DISC1: variants seen among roughly 807,000 people sequenced by gnomAD.
The protein encoded by DISC1 is disrupted in schizophrenia 1 protein.
A neutral mutation model predicts 84.5 loss-of-function variants in DISC1; 57 were observed. The observed-to-expected ratio is 0.67, with a 90% CI of 0.55 to 0.84. The LOEUF (loss-of-function observed/expected upper bound fraction) is 0.84, where lower values mean the gene tolerates loss of function less well. Ranked by LOEUF, DISC1 falls within the 40% of genes least tolerant of loss-of-function variation. The pLI is 0.00. For missense variants in DISC1, 1,000 were observed against 1,057.8 expected, an observed-to-expected ratio of 0.95 and a Z score of 0.76; for synonymous variants, 411 against 415.2, an observed-to-expected ratio of 0.99 and a Z score of 0.12.
intron 6 of DISC1, among the ~76,000 whole-genome samples, chr1:231,783,185 T>A (rs1487027162): frequency 1.3e-5 from 2 of 151,858 alleles, no homozygotes; most frequent in Non-Finnish European, 2.9e-5. Flanking sequence ...TTTTTGGGGG[T>A]GGGGGAAAGC....
chr1:231,786,956 G>A (rs2077916959), intron 6 of DISC1, among the ~76,000 whole-genome samples: 2 of 152,242 alleles, frequency 1.3e-5, no homozygotes, highest in South Asian at 2.1e-4. Context: ...TACCTTTGGC[G>A]CCCCATTTAC....
At chr1:231,689,812 C>A (rs147829486) in intron 1 of DISC1, among the ~76,000 whole-genome samples, 107 of 152,236 alleles carry the variant, frequency 7.0e-4, no homozygotes, top group African/African-American at 2.6e-3. Context: ...CAATTCATAT[C>A]CACCACAGAA....
chr1:231,631,852 A>G (rs2058735455), intron 1 of DISC1, among the ~76,000 whole-genome samples: 1 of 152,202 alleles, frequency 6.6e-6, no homozygotes, highest in African/African-American at 2.4e-5. Context: ...CTAAGTGTAC[A>G]GCGTTTATAA....
In DISC1 at chr1:231,914,599, C is replaced by T. The variant is rs565396998; in HGVS notation, c.1982-44229C>T. On this transcript the variant is annotated intron_variant, in intron 9 of 12. Transcript: ENST00000439617. ...AGGAAGAAATATTTTTCTTTTAGTTCCTGTCTGTCAGTCTCAGGGGAGACT... is the reference window on the plus strand; with the variant it reads ...AGGAAGAAATATTTTTCTTTTAGTTTCTGTCTGTCAGTCTCAGGGGAGACT... 7.9e-5 allele frequency among the ~76,000 whole-genome samples: 12 copies of T among 152,266 alleles called. No individual in the cohort carries two copies. In the South Asian group the frequency reaches 2.5e-3, roughly 32 times the overall value.
chr1:231,702,208 A>G lies in DISC1; in HGVS notation c.1117+184A>G, dbSNP rs1558374833. On this transcript the variant is annotated intron_variant, in intron 3 of 12. Transcript: ENST00000439617. ...TTGTAGATTTCAAAGTACTTCATGA[A>G]CATTAATCCTTTGGGTTATAAATAT... The G allele has an allele frequency of 5.9e-6, 8 of 1,348,040 alleles. No homozygotes were observed. In the South Asian group the frequency reaches 1.2e-4, roughly 21 times the overall value. 83.5% of individuals were successfully genotyped at this position (1,348,040 alleles called of 1,614,324 possible).
intron 3 of DISC1, among the ~76,000 whole-genome samples, chr1:231,730,549 A>G (rs2071384993): frequency 6.6e-6 from 1 of 152,198 alleles, no homozygotes; most frequent in African/African-American, 2.4e-5. Flanking sequence ...TAGTGAACAT[A>G]GCACCCAATA....
intron 9 of DISC1, among the ~76,000 whole-genome samples, chr1:231,907,341 A>C (rs4027693): frequency 3.5e-4 from 51 of 145,900 alleles, no homozygotes; most frequent in South Asian, 2.3e-3. Flanking sequence ...AACAGGCCCC[A>C]GTGTGTGATG....
At chr1:231,938,880 A>G (rs559431586) in intron 9 of DISC1, among the ~76,000 whole-genome samples, 20 of 152,250 alleles carry the variant, frequency 1.3e-4, no homozygotes, top group African/African-American at 4.3e-4. Context: ...CTAACCCTAC[A>G]TGTTAGAAAC....
At chr1:231,935,809 C>T (rs2090948749) in intron 9 of DISC1, among the ~76,000 whole-genome samples, 1 of 152,208 alleles carries the variant, frequency 6.6e-6, no homozygotes, top group African/African-American at 2.4e-5. Context: ...TAATAGAACA[C>T]ACATGCAAAA....
intron 3 of DISC1, among the ~76,000 whole-genome samples, chr1:231,710,844 G>A (rs2067726046): frequency 6.6e-6 from 1 of 152,110 alleles, no homozygotes; most frequent in Admixed American, 6.5e-5. Context: ...TGAGGTCCTG[G>A]GGGTTAGAAC....
At chr1:231,835,410 GGTT>G (rs542409114) in intron 9 of DISC1, among the ~76,000 whole-genome samples, 95 of 152,272 alleles carry the variant, frequency 6.2e-4, no homozygotes, top group Admixed American at 1.9e-3. Context: ...GTCAAAGGGG[GGTT>G]GTTCTTTGGC....
At chr1:232,028,562 G>A (rs1033076450) in intron 12 of DISC1, among the ~76,000 whole-genome samples, 8 of 152,116 alleles carry the variant, frequency 5.3e-5, no homozygotes, top group Non-Finnish European at 1.0e-4. Context: ...AAGTGATAAT[G>A]CCTCTTTAAG....
intron 9 of DISC1, among the ~76,000 whole-genome samples, chr1:231,932,559 T>G (rs138838177): frequency 6.6e-4 from 100 of 152,268 alleles, no homozygotes; most frequent in African/African-American, 2.2e-3. Context: ...GATTTGAATC[T>G]CAATTTGCTT....
At chr1:232,034,854 G>A (rs1670367282) in intron 12 of DISC1, among the ~76,000 whole-genome samples, 1 of 150,896 alleles carries the variant, frequency 6.6e-6, no homozygotes, top group South Asian at 2.1e-4. Flanking sequence ...TTTCAATAAA[G>A]ATTAGCGGAA....
intron 6 of DISC1, chr1:231,774,706 G>C (rs1170729872): frequency 2.2e-6 from 1 of 456,002 alleles, no homozygotes; most frequent in Admixed American, 2.3e-5. Context: ...CAATATTTGG[G>C]CTTTCCATTT....
chr1:231,897,561 A>G lies in DISC1; in HGVS notation c.1982-61267A>G, dbSNP rs1016336703. On this transcript the variant is annotated intron_variant, in intron 9 of 12. Transcript: ENST00000439617. This position sits in a 1 kb window ranked among gnomAD's most constrained non-coding sequence, Gnocchi z 4.5. ...TAACAACCTCCAGCCTATTTGTGGC[A>G]TCTGAAAAACTTTGCGGCAGCATTT... is the stretch of plus-strand genomic sequence containing the variant. Among the ~76,000 whole-genome samples, 13 of 151,882 alleles carry G rather than the reference A, an allele frequency of 8.6e-5. No individual in the cohort carries two copies. Among genetic ancestry groups the G allele is most frequent in the African/African-American group, 2.7e-4 (11 of 41,350 alleles).
intron 3 of DISC1, among the ~76,000 whole-genome samples, chr1:231,742,357 C>T (rs2073393910): frequency 6.6e-6 from 1 of 152,188 alleles, no homozygotes. Flanking sequence ...CAAGTGGAAG[C>T]TCCCAGTAGC....
chr1:231,864,250 TC>T (rs960693759), intron 9 of DISC1, among the ~76,000 whole-genome samples: 1 of 152,248 alleles, frequency 6.6e-6, no homozygotes, highest in African/African-American at 2.4e-5. Context: ...CATTTTTTTT[TC>T]CTACATCAGG....
At chr1:231,939,859 CAGCCTCCCA>C (rs1187321481) in intron 9 of DISC1, among the ~76,000 whole-genome samples, 5 of 152,044 alleles carry the variant, frequency 3.3e-5, no homozygotes, top group Admixed American at 6.5e-5. Flanking sequence ...TCTCCTGCCT[CAGCCTCCCA>C]AGTAGCTGGA....
Sources: allele counts gnomAD v4.1 joint callset (sites outside exome capture counted in the v4.1 genomes callset), GRCh38; gene constraint gnomAD v4.1.1; non-coding constraint Gnocchi (gnomAD v3.1); transcripts MANE v1.5; gene names NCBI Gene and HGNC (gene_info 2026-07-23, HGNC 2026-07-21).